GRID1: variants seen among roughly 807,000 people sequenced by gnomAD.
GRID1 encodes the protein glutamate receptor ionotropic, delta-1.
Under a neutral mutation model 98.0 loss-of-function variants are expected in GRID1, and 28 were observed. The observed-to-expected ratio is 0.29, with a 90% confidence interval of 0.21 to 0.39. GRID1 has a LOEUF of 0.39. Ranked by LOEUF, GRID1 falls within the 10% of genes least tolerant of loss-of-function variation. GRID1 has a pLI of 1.00. For synonymous variants in GRID1, 553 were observed against 538.5 expected, an observed-to-expected ratio of 1.03 and a Z score of -0.37; for missense variants, 1,111 against 1,340.5, an observed-to-expected ratio of 0.83 and a Z score of 2.67.
At chr10:85,735,991 G>A (rs1213103898) in intron 8 of GRID1, among the ~76,000 whole-genome samples, 1 of 137,996 alleles carries the variant, frequency 7.2e-6, no homozygotes, top group Non-Finnish European at 1.6e-5. Flanking sequence ...GAAAGGGAGG[G>A]AGGGAGCAAG....
chr10:85,746,734 G>T lies in GRID1; in HGVS notation c.1234-17120C>A, dbSNP rs78053955. Reference sequence around the variant, plus strand: ...AAGTGAAGCCCTCTTGAACCCTCCTGAGTACAGCTAAGTGACCTCAGTTAA... The same window carrying T: ...AAGTGAAGCCCTCTTGAACCCTCCTTAGTACAGCTAAGTGACCTCAGTTAA... On this transcript the variant is annotated intron_variant, in intron 8 of 15. Coordinates refer to ENST00000327946, the MANE Select transcript of GRID1 (RefSeq NM_017551.3). Among the ~76,000 whole-genome samples the T allele has an allele frequency of 5.3e-3, 812 of 152,200 alleles. 12 individuals are homozygous for T. The South Asian group carries it at 0.056, about 11-fold the overall frequency.
At chr10:85,990,327 C>A (rs1213924964) in intron 4 of GRID1, among the ~76,000 whole-genome samples, 2 of 152,170 alleles carry the variant, frequency 1.3e-5, no homozygotes, top group East Asian at 3.9e-4. Context: ...TATTCTTACA[C>A]TCAACAGGTA....
At chr10:85,845,464 T>A (rs1172493656) in intron 8 of GRID1, among the ~76,000 whole-genome samples, 1 of 152,230 alleles carries the variant, frequency 6.6e-6, no homozygotes, top group Admixed American at 6.5e-5. Flanking sequence ...TCAATATTGG[T>A]AAGACATTAA....
intron 12 of GRID1, among the ~76,000 whole-genome samples, chr10:85,682,368 T>C (rs1322559166): frequency 6.6e-6 from 1 of 152,230 alleles, no homozygotes; most frequent in East Asian, 1.9e-4. Flanking sequence ...GCAGCAATTA[T>C]GGTCTATGAT....
At chr10:86,116,735 C>T (rs1844587551) in intron 4 of GRID1, among the ~76,000 whole-genome samples, 1 of 151,974 alleles carries the variant, frequency 6.6e-6, no homozygotes, top group African/African-American at 2.4e-5. Flanking sequence ...GAGAGGAGCA[C>T]CAGCAGCCTG....
chr10:86,352,500 C>T (rs1848476921), intron 2 of GRID1, among the ~76,000 whole-genome samples: 1 of 151,762 alleles, frequency 6.6e-6, no homozygotes. Flanking sequence ...GGGCTGTCTT[C>T]CTGGCTTGCA....
intron 12 of GRID1, 97 bp from the exon 13 acceptor site, chr10:85,647,494 C>T (rs577636439): frequency 4.3e-5 from 38 of 883,960 alleles, no homozygotes; most frequent in African/African-American, 3.2e-4. Context: ...ACTCCAAGCC[C>T]GGCATGGCCC....
At chr10:86,045,242 C>T (rs1843406517) in intron 4 of GRID1, among the ~76,000 whole-genome samples, 1 of 152,190 alleles carries the variant, frequency 6.6e-6, no homozygotes, top group African/African-American at 2.4e-5. Flanking sequence ...GGTTATGCAA[C>T]TATTAATGGC....
chr10:85,931,616 G>A lies in GRID1; in HGVS notation c.727-15377C>T, dbSNP rs571890581. ...AGCAACCTGTTCATGTCTTAAGGGT[G>A]CAATATTTTTTAATCTCTTTAAGAC... On this transcript the variant is annotated intron_variant, in intron 4 of 15. Transcript: ENST00000327946. Among the ~76,000 whole-genome samples, 9 of 152,264 alleles carry A rather than the reference G, an allele frequency of 5.9e-5. No homozygotes were observed. In the South Asian group the frequency reaches 1.9e-3, roughly 32 times the overall value.
intron 3 of GRID1, among the ~76,000 whole-genome samples, chr10:86,158,614 G>C (rs965202768): frequency 6.6e-6 from 1 of 152,216 alleles, no homozygotes; most frequent in Admixed American, 6.5e-5. Flanking sequence ...TATTCAAAGA[G>C]GCAATCTGGG....
At chr10:86,012,844 T>C (rs1300478426) in intron 4 of GRID1, among the ~76,000 whole-genome samples, 3 of 152,228 alleles carry the variant, frequency 2.0e-5, no homozygotes, top group Non-Finnish European at 4.4e-5. Context: ...TCTCCAGAAC[T>C]GTGAGAAATA....
At chr10:86,065,837 C>G (rs114753175) in intron 4 of GRID1, among the ~76,000 whole-genome samples, 1 of 152,200 alleles carries the variant, frequency 6.6e-6, no homozygotes, top group Non-Finnish European at 1.5e-5. Flanking sequence ...CTATTCAAAG[C>G]ATCTGTTAAT....
Position 86,363,967 on chromosome 10 carries a change from T to C in GRID1, c.209A>G (p.Asn70Ser). The change falls in exon 2 of 16, where the codon AAC (asparagine) becomes AGC (serine). Residue 70 changes from asparagine to serine, a missense_variant. This residue lies in a region of GRID1 where 346 missense variants were observed against 452.3 expected (regional missense o/e 0.76). Coordinates refer to ENST00000327946, the MANE Select transcript of GRID1 (RefSeq NM_017551.3). ...ITYSIKVIEA[N>S]NPFQAVQEAC... Reference sequence around the variant, plus strand: ...TTCCTGCACAGCCTGGAATGGGTTGTTGGCCTCGATGACCTTGATGGAGTA... The same window carrying C: ...TTCCTGCACAGCCTGGAATGGGTTGCTGGCCTCGATGACCTTGATGGAGTA... 6.2e-7 allele frequency: 1 copy of C among 1,614,138 alleles called. No homozygotes were observed. The highest frequency in any genetic ancestry group is 8.5e-7 in the Non-Finnish European group (1 of 1,179,960).
At chr10:85,704,030 T>C (rs1367590975) in intron 12 of GRID1, among the ~76,000 whole-genome samples, 1 of 152,114 alleles carries the variant, frequency 6.6e-6, no homozygotes, top group East Asian at 1.9e-4. Context: ...TTGAAAATTA[T>C]TTTCTTTAAG....
intron 8 of GRID1, among the ~76,000 whole-genome samples, chr10:85,737,549 C>T (rs1841895449): frequency 6.6e-6 from 1 of 150,542 alleles, no homozygotes; most frequent in Non-Finnish European, 1.5e-5. Flanking sequence ...AGACTTTTGT[C>T]ATATTAAGAG....
chr10:86,177,512 G>C (rs1423784291), intron 3 of GRID1, among the ~76,000 whole-genome samples: 2 of 152,180 alleles, frequency 1.3e-5, no homozygotes, highest in South Asian at 2.1e-4. Flanking sequence ...GCATGAGAGA[G>C]ACAGAGATTT....
At chr10:85,842,825 T>G (rs1842972622) in intron 8 of GRID1, among the ~76,000 whole-genome samples, 1 of 152,004 alleles carries the variant, frequency 6.6e-6, no homozygotes, top group Non-Finnish European at 1.5e-5. Flanking sequence ...TTTAAACAAT[T>G]AAAACCAAAT....
At chr10:86,228,705 A>G (rs1280815478) in intron 2 of GRID1, among the ~76,000 whole-genome samples, 1 of 151,106 alleles carries the variant, frequency 6.6e-6, no homozygotes, top group Non-Finnish European at 1.5e-5. Context: ...TCCAGCCCAC[A>G]GCAGAGCTTG....
At chr10:85,721,482 G>T (rs1430123244) in intron 12 of GRID1, among the ~76,000 whole-genome samples, 1 of 152,158 alleles carries the variant, frequency 6.6e-6, no homozygotes, top group Non-Finnish European at 1.5e-5. Context: ...ACAAACTGTG[G>T]TATATGTGAT....
Sources: gnomAD v4.1 joint callset for allele counts (sites outside exome capture counted in the v4.1 genomes callset) on GRCh38, gnomAD v4.1.1 for gene constraint, gnomAD v4.1.1 regional missense constraint, MANE v1.5 for transcripts, NCBI Gene and HGNC (gene_info 2026-07-23, HGNC 2026-07-21) for gene names.